BMPER: variants seen among roughly 807,000 people sequenced by gnomAD.
BMPER encodes the protein BMP-binding endothelial regulator protein.
In BMPER, 45 loss-of-function variants were observed where a neutral mutation model predicts 87.3. The observed-to-expected ratio is 0.52, with a 90% confidence interval of 0.41 to 0.66. BMPER has a LOEUF of 0.66. Ranked by LOEUF, BMPER falls within the 30% of genes least tolerant of loss-of-function variation. The pLI is 0.00. For missense variants in BMPER, 784 were observed against 867.5 expected (o/e 0.90, Z 1.21); for synonymous variants, 326 against 316.2 (o/e 1.03, Z -0.33).
chr7:33,921,930 T>C, intron 2 of BMPER: 1 of 453,232 alleles, frequency 2.2e-6, no homozygotes, highest in Non-Finnish European at 4.6e-6. Context: ...CCCCAACCCC[T>C]TCGACTCCTC....
At chr7:34,094,431 C>G (rs1381055949) in intron 13 of BMPER, among the ~76,000 whole-genome samples, 1 of 152,208 alleles carries the variant, frequency 6.6e-6, no homozygotes, top group African/African-American at 2.4e-5. Context: ...GTGTGGGGAG[C>G]TCTCCCTTGA....
intron 14 of BMPER, among the ~76,000 whole-genome samples, chr7:34,151,212 A>C (rs1791167024): frequency 1.3e-5 from 2 of 152,162 alleles, no homozygotes; most frequent in African/African-American, 4.8e-5. Context: ...GCAAATGGAA[A>C]ATTCCAATCC....
intron 13 of BMPER, among the ~76,000 whole-genome samples, chr7:34,124,763 A>C (rs1790357423): frequency 6.6e-6 from 1 of 152,160 alleles, no homozygotes; most frequent in Non-Finnish European, 1.5e-5. Context: ...CTGATATTTC[A>C]TTGTTAAGAA....
chr7:34,011,036 C>T (rs981167417), intron 6 of BMPER, among the ~76,000 whole-genome samples: 5 of 151,746 alleles, frequency 3.3e-5, no homozygotes, highest in Non-Finnish European at 7.4e-5. Context: ...AAACAAAAAC[C>T]TCCTCAGTTT....
chr7:33,979,685 AC>A (rs1204476491), intron 6 of BMPER, among the ~76,000 whole-genome samples: 1 of 152,056 alleles, frequency 6.6e-6, no homozygotes, highest in East Asian at 1.9e-4. Flanking sequence ...TTGGGGGCAC[AC>A]CCTAGGGAGT....
At chr7:33,974,047 G>A (rs1293907017) in intron 5 of BMPER, among the ~76,000 whole-genome samples, 4 of 152,140 alleles carry the variant, frequency 2.6e-5, no homozygotes, top group Admixed American at 1.3e-4. Context: ...CTCCTGTCCT[G>A]CCTCTGCCCC....
At chr7:33,996,505 G>T (rs1305104144) in intron 6 of BMPER, among the ~76,000 whole-genome samples, 1 of 152,168 alleles carries the variant, frequency 6.6e-6, no homozygotes, top group Non-Finnish European at 1.5e-5. Flanking sequence ...CCTTCATACA[G>T]AAGGCTATGC....
At chr7:34,127,497 T>C (rs1790435886) in intron 13 of BMPER, among the ~76,000 whole-genome samples, 1 of 152,072 alleles carries the variant, frequency 6.6e-6, no homozygotes, top group African/African-American at 2.4e-5. Flanking sequence ...GGGTCCCCTC[T>C]TCTCCCTGAT....
chr7:34,084,390 T>C (rs923219736), intron 12 of BMPER, among the ~76,000 whole-genome samples: 2 of 152,114 alleles, frequency 1.3e-5, no homozygotes, highest in African/African-American at 4.8e-5. Context: ...TGCCAGTCTT[T>C]GGAGACAGAG....
At chr7:34,011,926 G>T (rs936764966) in intron 6 of BMPER, among the ~76,000 whole-genome samples, 1 of 151,804 alleles carries the variant, frequency 6.6e-6, no homozygotes, top group African/African-American at 2.4e-5. Flanking sequence ...GCATTTAATT[G>T]AAAAGAAAAA....
At chr7:33,933,590 A>G (rs113485052) in intron 2 of BMPER, among the ~76,000 whole-genome samples, 3 of 152,158 alleles carry the variant, frequency 2.0e-5, no homozygotes, top group East Asian at 1.9e-4. Flanking sequence ...TTTCAGAGGC[A>G]TGATAGGCAC....
At chr7:34,039,673 A>G (rs940139284) in intron 6 of BMPER, among the ~76,000 whole-genome samples, 4 of 151,866 alleles carry the variant, frequency 2.6e-5, no homozygotes, top group African/African-American at 9.7e-5. Flanking sequence ...ACATGCCCAG[A>G]TGTATCCTAC....
intron 13 of BMPER, among the ~76,000 whole-genome samples, chr7:34,088,417 G>A (rs375171420): frequency 5.5e-4 from 84 of 152,298 alleles, no homozygotes; most frequent in African/African-American, 1.9e-3. Flanking sequence ...CCAAGTGCAT[G>A]TGTGGCAGAA....
intron 6 of BMPER, among the ~76,000 whole-genome samples, chr7:33,992,675 T>G (rs1440265960): frequency 4.0e-5 from 6 of 150,578 alleles, no homozygotes; most frequent in African/African-American, 1.5e-4. Context: ...GTTAGCTGGT[T>G]ATTTTGCTTA....
chr7:33,987,801 C>A (rs761138631), intron 6 of BMPER, among the ~76,000 whole-genome samples: 5 of 152,088 alleles, frequency 3.3e-5, no homozygotes, highest in African/African-American at 7.2e-5. Flanking sequence ...ACTTCTTAAA[C>A]CTCTGACTAT....
At chr7:34,116,959 C>T (rs1790132717) in intron 13 of BMPER, among the ~76,000 whole-genome samples, 1 of 151,082 alleles carries the variant, frequency 6.6e-6, no homozygotes, top group Admixed American at 6.6e-5. Context: ...ACTGCAACTC[C>T]AGCCTGGGTG....
At chr7:34,064,013 G>A (rs77734253) in intron 11 of BMPER, among the ~76,000 whole-genome samples, 4,636 of 152,342 alleles carry the variant, frequency 0.03, 105 homozygotes, top group Non-Finnish European at 0.047. Flanking sequence ...CCAGCCAGGC[G>A]CAGTGCCTTA....
chr7:34,145,420 C>A (rs137946099), intron 14 of BMPER, among the ~76,000 whole-genome samples: 1 of 152,124 alleles, frequency 6.6e-6, no homozygotes, highest in Non-Finnish European at 1.5e-5. Context: ...TCAATGCTGC[C>A]CTTCTCAGAG....
At chr7:33,918,151 T>C (rs1362500019) in intron 2 of BMPER, among the ~76,000 whole-genome samples, 1 of 152,168 alleles carries the variant, frequency 6.6e-6, no homozygotes, top group African/African-American at 2.4e-5. Context: ...AGGATCTTGA[T>C]CTTAATTTCT....
Sources: gnomAD v4.1 joint callset for allele counts (sites outside exome capture counted in the v4.1 genomes callset) on GRCh38, gnomAD v4.1.1 for gene constraint, MANE v1.5 for transcripts, NCBI Gene and HGNC (gene_info 2026-07-23, HGNC 2026-07-21) for gene names.